CTNNA3: variants seen among roughly 807,000 people sequenced by gnomAD.
CTNNA3 encodes the protein catenin alpha 3.
A neutral mutation model predicts 95.7 loss-of-function variants in CTNNA3; 76 were observed. That is an observed-to-expected ratio of 0.79 (90% CI 0.66 to 0.96). CTNNA3 has a LOEUF of 0.96. CTNNA3 is among the 40% of genes least tolerant of loss of function. CTNNA3 has a pLI of 0.00. For missense variants in CTNNA3, 1,191 were observed against 1,089.8 expected (o/e 1.09, Z -1.31); for synonymous variants, 431 against 374.4 (o/e 1.15, Z -1.74).
intron 8 of CTNNA3, among the ~76,000 whole-genome samples, chr10:66,769,897 G>C (rs190879003): frequency 2.0e-5 from 3 of 152,154 alleles, no homozygotes; most frequent in African/African-American, 7.2e-5. Flanking sequence ...TTGCTTCCAG[G>C]AATCACCTCC....
chr10:66,354,518 G>A (rs1373904936), intron 12 of CTNNA3, among the ~76,000 whole-genome samples: 2 of 152,040 alleles, frequency 1.3e-5, no homozygotes, highest in African/African-American at 4.8e-5. Context: ...AGGCTCAAAG[G>A]AACCTGAGTT....
At chr10:66,320,712 C>A (rs1384356288) in intron 12 of CTNNA3, among the ~76,000 whole-genome samples, 1 of 152,044 alleles carries the variant, frequency 6.6e-6, no homozygotes, top group Non-Finnish European at 1.5e-5. Flanking sequence ...TCTTCTAATA[C>A]ATCTGTAAAA....
intron 9 of CTNNA3, among the ~76,000 whole-genome samples, chr10:66,629,357 T>A (rs995268538): frequency 6.6e-6 from 1 of 152,006 alleles, no homozygotes; most frequent in Non-Finnish European, 1.5e-5. Context: ...CTCCCATCTA[T>A]CCATTTTAAA....
intron 10 of CTNNA3, among the ~76,000 whole-genome samples, chr10:66,550,944 T>A (rs938182880): frequency 1.3e-5 from 2 of 152,130 alleles, no homozygotes; most frequent in Non-Finnish European, 2.9e-5. Context: ...TTTTGCCCCA[T>A]TGAATTTTAG....
At chr10:67,021,055 T>C (rs1037751259) in intron 7 of CTNNA3, among the ~76,000 whole-genome samples, 5 of 152,182 alleles carry the variant, frequency 3.3e-5, no homozygotes, top group East Asian at 1.9e-4. Context: ...CTTCTCTTTG[T>C]TTCATTTTTG....
chr10:66,940,520 A>C (rs568217339), intron 7 of CTNNA3, among the ~76,000 whole-genome samples: 11 of 152,320 alleles, frequency 7.2e-5, no homozygotes, highest in Middle Eastern at 3.4e-3. Context: ...ATGATGACTG[A>C]ATAAAAGAAG....
At chr10:66,317,109 G>A (rs1001747875) in intron 12 of CTNNA3, among the ~76,000 whole-genome samples, 1 of 152,008 alleles carries the variant, frequency 6.6e-6, no homozygotes, top group African/African-American at 2.4e-5. Flanking sequence ...GTGAAATTTT[G>A]TTAACATAGT....
rs1448835079 is a variant in CTNNA3, at chr10:65,920,430, T to C, written c.2588A>G (p.Lys863Arg). ...PAKKPLIKRE[K>R]PEETCAAVRR... ...GACAGCTGCACACGTTTCCTCTGGC[T>C]TCTCTCTTTTAATCAAGGGTTTTTT... is the stretch of plus-strand genomic sequence containing the variant. The change falls in exon 18 of 18, where the codon AAG (lysine) becomes AGG (arginine). Residue 863 changes from lysine (K) to arginine (R), a missense_variant. By Grantham distance (26) the Lys-to-Arg change is conservative. Transcript: ENST00000433211. 8.1e-6 allele frequency: 13 copies of C among 1,614,052 alleles called. No individual in the cohort carries two copies. Among genetic ancestry groups the C allele is most frequent in the Non-Finnish European group, 1.1e-5 (13 of 1,180,040 alleles).
chr10:66,723,480 GA>G (rs1848690625), intron 9 of CTNNA3, among the ~76,000 whole-genome samples: 1 of 152,048 alleles, frequency 6.6e-6, no homozygotes, highest in Non-Finnish European at 1.5e-5. Context: ...ACACAATTAG[GA>G]AGGACTAAGG....
chr10:66,214,657 T>G (rs756879862), intron 13 of CTNNA3, among the ~76,000 whole-genome samples: 29 of 152,098 alleles, frequency 1.9e-4, no homozygotes, highest in South Asian at 6.2e-4. Flanking sequence ...TATATTTAAT[T>G]AGTGGATTTT....
intron 11 of CTNNA3, among the ~76,000 whole-genome samples, chr10:66,515,593 T>C (rs1279953960): frequency 6.6e-6 from 1 of 152,080 alleles, no homozygotes; most frequent in Non-Finnish European, 1.5e-5. Flanking sequence ...TTCCCAAGAC[T>C]GGGTCATTTA....
intron 17 of CTNNA3, among the ~76,000 whole-genome samples, chr10:65,941,585 T>C (rs993866886): frequency 9.9e-5 from 15 of 152,184 alleles, no homozygotes; most frequent in Non-Finnish European, 1.9e-4. Flanking sequence ...AGACCTGTAC[T>C]AGGGGTTTGT....
intron 12 of CTNNA3, among the ~76,000 whole-genome samples, chr10:66,282,730 T>C (rs1037350444): frequency 6.6e-6 from 1 of 151,858 alleles, no homozygotes; most frequent in African/African-American, 2.4e-5. Flanking sequence ...TTAAGTATTA[T>C]AGTATCTCTC....
At chr10:66,375,589 CA>C (rs35007442) in intron 12 of CTNNA3, among the ~76,000 whole-genome samples, 3,695 of 138,820 alleles carry the variant, frequency 0.027, 101 homozygotes, top group African/African-American at 0.068. Context: ...GCTGCAATGC[CA>C]AAAAAAAAAA....
chr10:66,564,983 C>A (rs995494249), intron 10 of CTNNA3, among the ~76,000 whole-genome samples: 2 of 152,144 alleles, frequency 1.3e-5, no homozygotes, highest in African/African-American at 2.4e-5. Flanking sequence ...GCAGCTCTGC[C>A]TTTCGTATGC....
At chr10:67,388,677 T>A (rs1466346811) in intron 5 of CTNNA3, among the ~76,000 whole-genome samples, 3 of 151,376 alleles carry the variant, frequency 2.0e-5, no homozygotes, top group East Asian at 1.9e-4. Context: ...CGGGTTACCC[T>A]CAAAGGGAAG....
At chr10:67,155,573 T>C (rs2132076157) in intron 7 of CTNNA3, among the ~76,000 whole-genome samples, 1 of 151,976 alleles carries the variant, frequency 6.6e-6, no homozygotes, top group Non-Finnish European at 1.5e-5. Context: ...CTTCTTTTAG[T>C]TACCAAATAA....
intron 11 of CTNNA3, among the ~76,000 whole-genome samples, chr10:66,390,588 A>C (rs542140676): frequency 6.6e-6 from 1 of 152,162 alleles, no homozygotes; most frequent in African/African-American, 2.4e-5. Context: ...CATAGCTATA[A>C]ATTAAAAACA....
chr10:67,678,462 C>A (rs1169458413), intron 1 of CTNNA3, among the ~76,000 whole-genome samples: 1 of 151,962 alleles, frequency 6.6e-6, no homozygotes, highest in East Asian at 1.9e-4. Context: ...ATTCAGAGGG[C>A]AAAAGAAGCA....
Sources: gnomAD v4.1 joint callset for allele counts (sites outside exome capture counted in the v4.1 genomes callset) on GRCh38, gnomAD v4.1.1 for gene constraint, MANE v1.5 for transcripts, NCBI Gene and HGNC (gene_info 2026-07-23, HGNC 2026-07-21) for gene names.